The following C12orf42 variants were observed in gnomAD, a reference collection of about 807,000 sequenced individuals.
The protein encoded by C12orf42 is chromosome 12 open reading frame 42.
Under a neutral mutation model 21.6 loss-of-function variants are expected in C12orf42, and 25 were observed. The ratio of observed to expected loss-of-function variants is 1.16; its 90% CI spans 0.84 to 1.62. The LOEUF (loss-of-function observed/expected upper bound fraction) is 1.62, where lower values mean the gene tolerates loss of function less well. Ranked by LOEUF, C12orf42 falls within the 40% of genes most tolerant of loss-of-function variation. The pLI is 0.00. For missense variants in C12orf42, 483 were observed against 459.3 expected, an observed-to-expected ratio of 1.05 and a Z score of -0.47; for synonymous variants, 174 against 175.0, an observed-to-expected ratio of 0.99 and a Z score of 0.05.
intron 4 of C12orf42, among the ~76,000 whole-genome samples, chr12:103,283,478 A>T (rs2036255784): frequency 6.6e-6 from 1 of 152,194 alleles, no homozygotes; most frequent in African/African-American, 2.4e-5. Flanking sequence ...CAAGGTGTCA[A>T]GGCACTTGGG....
intron 1 of C12orf42, among the ~76,000 whole-genome samples, chr12:103,489,400 C>A (rs1272709424): frequency 6.6e-6 from 1 of 152,246 alleles, no homozygotes; most frequent in Non-Finnish European, 1.5e-5. Context: ...TTAGGCTACA[C>A]AGGGGTCAGG....
At chr12:103,416,017 T>C (rs2049287946) in intron 2 of C12orf42, among the ~76,000 whole-genome samples, 1 of 133,820 alleles carries the variant, frequency 7.5e-6, no homozygotes, top group Non-Finnish European at 1.6e-5. Context: ...TGAGGCACCA[T>C]TGTCTTTGTT....
At chr12:103,288,558 C>T (rs2036611106) in intron 4 of C12orf42, among the ~76,000 whole-genome samples, 1 of 152,214 alleles carries the variant, frequency 6.6e-6, no homozygotes, top group Non-Finnish European at 1.5e-5. Flanking sequence ...TATAATTTCA[C>T]CCTTTTTAAA....
At chr12:103,263,542 A>G (rs904117798), downstream of C12orf42, among the ~76,000 whole-genome samples, 6 of 152,196 alleles carry the variant, frequency 3.9e-5, no homozygotes, top group African/African-American at 1.2e-4. Context: ...TGCTCCAAGG[A>G]GATAGTGGTC....
intron 2 of C12orf42, among the ~76,000 whole-genome samples, chr12:103,414,371 G>A (rs1314142472): frequency 6.6e-6 from 1 of 152,016 alleles, no homozygotes; most frequent in Non-Finnish European, 1.5e-5. Flanking sequence ...GTTCCTTGCA[G>A]ATTCTGGATA....
At chr12:103,460,230 A>G (rs1255870992) in intron 2 of C12orf42, among the ~76,000 whole-genome samples, 1 of 151,832 alleles carries the variant, frequency 6.6e-6, no homozygotes, top group East Asian at 1.9e-4. Context: ...GTCAACCCCT[A>G]GAGAGACTGG....
chr12:103,096,892 T>C, the C12orf42 span, among the ~76,000 whole-genome samples: 1 of 152,150 alleles, frequency 6.6e-6, no homozygotes, highest in Admixed American at 6.5e-5. Context: ...TCTTGCCACT[T>C]TTCCACTGTA....
chr12:103,279,363 T>A (rs2035964717), intron 4 of C12orf42, among the ~76,000 whole-genome samples: 1 of 152,200 alleles, frequency 6.6e-6, no homozygotes, highest in South Asian at 2.1e-4. Context: ...ATTAAATATA[T>A]GCAGGGTTTT....
In C12orf42 at chr12:103,491,501, T is replaced by C. The variant is rs377574497; in HGVS notation, c.-22+4401A>G. Among the ~76,000 whole-genome samples, 6 of 152,336 alleles carry C rather than the reference T, an allele frequency of 3.9e-5. No homozygotes were observed. In the East Asian group the frequency reaches 5.8e-4, roughly 15 times the overall value. On this transcript the variant is annotated intron_variant, in intron 1 of 5. Transcript: ENST00000548883. ...AGATTAAAGAAAGCCTTATATCTAA[T>C]GGACCAAATTTAGCAGGAATTAGGT...
the C12orf42 span, among the ~76,000 whole-genome samples, chr12:103,154,053 A>AAAAG: frequency 6.9e-6 from 1 of 145,184 alleles, no homozygotes; most frequent in Non-Finnish European, 1.5e-5. Context: ...AAAAAAAAGA[A>AAAAG]TGTGGAGGAA....
chr12:103,448,604 C>G (rs1410845394), intron 2 of C12orf42, among the ~76,000 whole-genome samples: 1 of 151,654 alleles, frequency 6.6e-6, no homozygotes, highest in Non-Finnish European at 1.5e-5. Context: ...AAAACACGAT[C>G]TCATCAAAAT....
At chr12:103,509,045 A>G in the C12orf42 span, among the ~76,000 whole-genome samples, 13 of 152,200 alleles carry the variant, frequency 8.5e-5, no homozygotes, top group Non-Finnish European at 1.9e-4. Flanking sequence ...AAGGATGTTA[A>G]GTACCTTGCT....
the C12orf42 span, among the ~76,000 whole-genome samples, chr12:103,553,348 C>T: frequency 6.6e-6 from 1 of 152,144 alleles, no homozygotes; most frequent in Middle Eastern, 3.2e-3. Flanking sequence ...ATATGACTCG[C>T]AGGCTCACTT....
chr12:103,132,453 T>A, the C12orf42 span, among the ~76,000 whole-genome samples: 3 of 152,064 alleles, frequency 2.0e-5, no homozygotes, highest in South Asian at 4.1e-4. Context: ...GCCTCATAAC[T>A]AACATAGGGA....
the C12orf42 span, chr12:103,162,905 T>C: frequency 5.9e-5 from 9 of 152,348 alleles, no homozygotes; most frequent in African/African-American, 2.2e-4. Context: ...AACACAGCCT[T>C]CTGGAAAGAA....
At chr12:103,085,241 C>T in the C12orf42 span, among the ~76,000 whole-genome samples, 1 of 152,178 alleles carries the variant, frequency 6.6e-6, no homozygotes, top group African/African-American at 2.4e-5. Context: ...CGAGTTCCTA[C>T]ACATTTGCTT....
the C12orf42 span, among the ~76,000 whole-genome samples, chr12:103,136,927 C>T: frequency 3.3e-4 from 50 of 152,198 alleles, no homozygotes; most frequent in African/African-American, 1.1e-3. Flanking sequence ...AACTATAAAG[C>T]TACTAAAAGT....
the C12orf42 span, among the ~76,000 whole-genome samples, chr12:103,502,454 C>T: frequency 6.6e-6 from 1 of 152,210 alleles, no homozygotes; most frequent in Non-Finnish European, 1.5e-5. Flanking sequence ...CCCCATCCCT[C>T]AGTCACACTG....
chr12:103,534,687 G>A, the C12orf42 span, among the ~76,000 whole-genome samples: 1 of 152,112 alleles, frequency 6.6e-6, no homozygotes, highest in Non-Finnish European at 1.5e-5. Context: ...TAATAAGTGG[G>A]GTGAGACGGT....
Sources: gnomAD v4.1 joint callset for allele counts (sites outside exome capture counted in the v4.1 genomes callset) on GRCh38, gnomAD v4.1.1 for gene constraint, MANE v1.5 for transcripts, NCBI Gene and HGNC (gene_info 2026-07-23, HGNC 2026-07-21) for gene names.